AFAP1: variants seen among roughly 807,000 people sequenced by gnomAD.
The protein encoded by AFAP1 is actin filament associated protein 1.
In AFAP1, 75 loss-of-function variants were observed where a neutral mutation model predicts 93.9. The ratio of observed to expected loss-of-function variants is 0.80; its 90% CI spans 0.66 to 0.97. AFAP1 has a LOEUF of 0.97. Ranked by LOEUF, AFAP1 falls within the 50% of genes least tolerant of loss-of-function variation. AFAP1 has a pLI of 0.00. For missense variants in AFAP1, 1,201 were observed against 1,050.8 expected, an observed-to-expected ratio of 1.14 and a Z score of -1.98; for synonymous variants, 517 against 430.7, an observed-to-expected ratio of 1.20 and a Z score of -2.48.
In AFAP1 at chr4:7,844,210, T is replaced by C. The variant is rs779269720; in HGVS notation, c.335-860A>G. ...TGACTATATGTAGAGATAGGACTTT[T>C]AGGAGGTTACTAAAGTTAAATGAGG... On this transcript the variant is annotated intron_variant, in intron 4 of 17. Transcript: ENST00000420658. Among the ~76,000 whole-genome samples the C allele has an allele frequency of 5.9e-5, 9 of 152,148 alleles. No individual in the cohort carries two copies. The South Asian group carries it at 6.2e-4, about 11-fold the overall frequency.
At chr4:7,818,159 G>C (rs1478676922) in intron 7 of AFAP1, among the ~76,000 whole-genome samples, 1 of 152,124 alleles carries the variant, frequency 6.6e-6, no homozygotes, top group Non-Finnish European at 1.5e-5. Context: ...CAGGGCCTCA[G>C]TGGAAGAAAA....
At chr4:7,809,504 A>G in intron 9 of AFAP1, 110 bp downstream of exon 9, 2 of 1,315,906 alleles carry the variant, frequency 1.5e-6, no homozygotes, top group Non-Finnish European at 2.1e-6. Flanking sequence ...GTCCAATGCA[A>G]AAGAGCTCAA....
chr4:7,772,736 C>G (rs569522166), intron 16 of AFAP1, 84 bp downstream of exon 16: 1 of 1,341,758 alleles, frequency 7.5e-7, no homozygotes, highest in Non-Finnish European at 1.0e-6. Context: ...CGCCCCAGAG[C>G]CACTCCACAT....
intron 3 of AFAP1, among the ~76,000 whole-genome samples, chr4:7,865,178 A>G (rs956101725): frequency 2.6e-4 from 40 of 152,224 alleles, no homozygotes; most frequent in African/African-American, 9.4e-4. Flanking sequence ...GCAACACACC[A>G]AAGAATGTGG....
chr4:7,928,483 G>A (rs1294232533), intron 1 of AFAP1, among the ~76,000 whole-genome samples: 1 of 152,104 alleles, frequency 6.6e-6, no homozygotes. Flanking sequence ...CGCCTCCCGG[G>A]TTCAAGCGAT....
chr4:7,865,123 A>G (rs1022183756), intron 3 of AFAP1, among the ~76,000 whole-genome samples: 3 of 152,272 alleles, frequency 2.0e-5, no homozygotes, highest in Non-Finnish European at 4.4e-5. Flanking sequence ...CAAAGTAATC[A>G]TATGTATAGA....
In AFAP1 at chr4:7,768,865, C is replaced by T. The variant is rs1321502000; in HGVS notation, c.2397G>A (p.Gly799=). ...QAAPGSSPCR[G]HVLRKAKEWE... is the part of the protein sequence containing the mutation. ...TTACCTTGGCCTTCCGCAGCACATG[C>T]CCTCGGCAGGGGGAGCTGCCCGGGG... The change falls in exon 17 of 18, where the codon GGG becomes GGA. Residue 799 remains glycine (G), a synonymous_variant. Coordinates refer to ENST00000420658, the MANE Select transcript of AFAP1 (RefSeq NM_001134647.2). 17 of 1,605,316 alleles carry T rather than the reference C, an allele frequency of 1.1e-5. No homozygotes were observed. Among genetic ancestry groups the T allele is most frequent in the Non-Finnish European group, 1.4e-5 (16 of 1,173,680 alleles).
chr4:7,902,886 C>CAACA (rs1225348115), intron 1 of AFAP1, among the ~76,000 whole-genome samples: 2 of 152,228 alleles, frequency 1.3e-5, no homozygotes, highest in East Asian at 3.8e-4. Flanking sequence ...TTCTAGGCCA[C>CAACA]AACAGCTCTT....
At chr4:7,864,859 T>C (rs1167577302) in intron 3 of AFAP1, among the ~76,000 whole-genome samples, 2 of 152,218 alleles carry the variant, frequency 1.3e-5, no homozygotes, top group African/African-American at 2.4e-5. Context: ...ATGCCTGTAA[T>C]TCCAGCAGTT....
intron 1 of AFAP1, among the ~76,000 whole-genome samples, chr4:7,917,484 T>G (rs973702240): frequency 3.3e-5 from 5 of 152,152 alleles, no homozygotes; most frequent in African/African-American, 1.2e-4. Context: ...CCATATCATT[T>G]GAACTATTTT....
intron 4 of AFAP1, among the ~76,000 whole-genome samples, chr4:7,851,782 C>T (rs757605638): frequency 1.1e-4 from 16 of 152,222 alleles, no homozygotes; most frequent in Non-Finnish European, 1.6e-4. Context: ...CCCATCCCCA[C>T]GCCCTGACAC....
rs373974166 is a variant in AFAP1, at chr4:7,770,395, G to A, written c.2254-1387C>T. The stretch of plus-strand genomic sequence containing the variant: ...CATGTCCACTGGATGGGAATGCCGG[G>A]GGTCACCATGATGAAAGCAGGTGCA... On this transcript the variant is annotated intron_variant, in intron 16 of 17. Coordinates refer to ENST00000420658, the MANE Select transcript of AFAP1 (RefSeq NM_001134647.2). 2.6e-5 allele frequency among the ~76,000 whole-genome samples: 4 copies of A among 152,102 alleles called. No individual in the cohort carries two copies. In the East Asian group the frequency reaches 5.8e-4, roughly 22 times the overall value.
chr4:7,839,597 A>C (rs1459675695), intron 5 of AFAP1, among the ~76,000 whole-genome samples: 1 of 152,224 alleles, frequency 6.6e-6, no homozygotes, highest in Non-Finnish European at 1.5e-5. Flanking sequence ...TTTTAGTAAG[A>C]GGATAACAGC....
At chr4:7,867,400 G>A (rs1441188598) in intron 3 of AFAP1, among the ~76,000 whole-genome samples, 2 of 152,292 alleles carry the variant, frequency 1.3e-5, no homozygotes, top group South Asian at 2.1e-4. Flanking sequence ...GAGGCAGCGC[G>A]GGGGCGGGAA....
In AFAP1 at chr4:7,834,128, C is replaced by CACAT. The variant is rs756961714; in HGVS notation, c.726+4395_726+4396insATGT. Among the ~76,000 whole-genome samples, 514 of 119,446 alleles carry CACAT rather than the reference C, an allele frequency of 4.3e-3. 2 individuals are homozygous for CACAT. Among genetic ancestry groups the CACAT allele is most frequent in the African/African-American group, 0.018 (463 of 25,504 alleles). 78.4% of individuals were successfully genotyped at this position (119,446 alleles called of 152,430 possible). On this transcript the variant is annotated intron_variant, in intron 6 of 17. Transcript: ENST00000420658. ...ACACACACACACACACACACACACA[C>CACAT]ATATATACAATGGAATACTACTCAG...
intron 12 of AFAP1, 95 bp downstream of exon 12, chr4:7,786,099 T>C: frequency 8.7e-7 from 1 of 1,153,170 alleles, no homozygotes. Context: ...AAGCTGACCT[T>C]ATTCAGACCT....
chr4:7,855,690 C>T, intron 3 of AFAP1, 116 bp from the exon 4 acceptor site: 1 of 826,836 alleles, frequency 1.2e-6, no homozygotes, highest in Non-Finnish European at 2.0e-6. Context: ...AAGTCTTCGG[C>T]AAAAGAGAAC....
At chr4:7,867,055 A>AAAGAGGGGAGGGGAG (rs1716480081) in intron 3 of AFAP1, among the ~76,000 whole-genome samples, 1 of 122,408 alleles carries the variant, frequency 8.2e-6, no homozygotes, top group African/African-American at 3.1e-5. Context: ...AGGAAAGATG[A>AAAGAGGGGAGGGGAG]AAGAGGGGAG....
intron 10 of AFAP1, among the ~76,000 whole-genome samples, chr4:7,796,762 A>AC (rs745921021): frequency 0.027 from 2,754 of 103,586 alleles, 88 homozygotes; most frequent in African/African-American, 0.089. Flanking sequence ...AAAAAAAAAA[A>AC]CAAAAAAAAA....
Sources: allele counts gnomAD v4.1 joint callset (sites outside exome capture counted in the v4.1 genomes callset), GRCh38; gene constraint gnomAD v4.1.1; transcripts MANE v1.5; gene names NCBI Gene and HGNC (gene_info 2026-07-23, HGNC 2026-07-21).